CORO2B: variants seen among roughly 807,000 people sequenced by gnomAD.
CORO2B encodes coronin-2B.
A neutral mutation model predicts 58.8 loss-of-function variants in CORO2B; 26 were observed. That is an observed-to-expected ratio of 0.44 (90% CI 0.32 to 0.61). CORO2B has a LOEUF of 0.61. Ranked by LOEUF, CORO2B falls within the 20% of genes least tolerant of loss-of-function variation. The probability of loss-of-function intolerance (pLI) is 0.04; values close to 1 mark genes in which losing one functional copy is unlikely to be tolerated. For synonymous variants in CORO2B, 242 were observed against 253.8 expected (o/e 0.95, Z 0.44); for missense variants, 460 against 645.1 (o/e 0.71, Z 3.11).
intron 3 of CORO2B, among the ~76,000 whole-genome samples, chr15:68,697,452 C>T (rs1389297854): frequency 6.6e-6 from 1 of 152,148 alleles, no homozygotes; most frequent in Non-Finnish European, 1.5e-5. Context: ...CAGTAAATAG[C>T]CTCCATCAGT....
At chr15:68,638,612 G>A (rs186668712) in intron 1 of CORO2B, among the ~76,000 whole-genome samples, 1 of 152,324 alleles carries the variant, frequency 6.6e-6, no homozygotes, top group African/African-American at 2.4e-5. Flanking sequence ...AAGAGTTGAG[G>A]TGGAGAGGCT....
At chr15:68,715,118 C>A in intron 7 of CORO2B, 97 bp from the exon 8 acceptor site, 2 of 1,086,214 alleles carry the variant, frequency 1.8e-6, no homozygotes, top group Non-Finnish European at 2.8e-6. Flanking sequence ...GCCCATGAGG[C>A]ACAGGGGAGA....
chr15:68,543,551 G>C, the CORO2B span, among the ~76,000 whole-genome samples: 4 of 151,962 alleles, frequency 2.6e-5, no homozygotes, highest in African/African-American at 9.7e-5. Flanking sequence ...CCCACCCCAG[G>C]GTCTTGTGAG....
rs574023568 is a variant in CORO2B at position 68,645,283 on chromosome 15, G to T, written c.139G>T (p.Ala47Ser). The change falls in exon 2 of 12, where the codon GCC (alanine) becomes TCC (serine). Residue 47 changes from alanine to serine, a missense_variant. By Grantham distance (99) the Ala-to-Ser change is moderately conservative. This residue lies in a region of CORO2B where 352 missense variants were observed against 543.0 expected (regional missense o/e 0.65). Transcript: ENST00000261861. This position sits in a 1 kb window ranked among gnomAD's most constrained non-coding sequence, Gnocchi z 4.5. ...TKNVHDNHFC[A>S]VNTRFLAIVT... is the part of the protein sequence containing the mutation. ...GAATGTGCACGACAACCACTTCTGT[G>T]CCGTCAACACCCGCTTCCTGGCCAT... The T allele has an allele frequency of 6.2e-7, 1 of 1,614,132 alleles. No individual in the cohort carries two copies. Among genetic ancestry groups the T allele is most frequent in the South Asian group, 1.1e-5 (1 of 91,078 alleles).
At chr15:68,684,303 C>A (rs900901468) in intron 2 of CORO2B, among the ~76,000 whole-genome samples, 2 of 152,214 alleles carry the variant, frequency 1.3e-5, no homozygotes, top group African/African-American at 4.8e-5. Context: ...GAGAAATGGA[C>A]TAACCCAATG....
At chr15:68,652,661 G>C (rs759456202) in intron 2 of CORO2B, among the ~76,000 whole-genome samples, 7 of 152,200 alleles carry the variant, frequency 4.6e-5, no homozygotes, top group African/African-American at 1.7e-4. Context: ...ACAGTAGTGT[G>C]GCCTGAGGAG....
At chr15:68,725,456 AT>A (rs1310446831) in intron 11 of CORO2B, among the ~76,000 whole-genome samples, 9 of 152,016 alleles carry the variant, frequency 5.9e-5, no homozygotes, top group Non-Finnish European at 1.2e-4. Flanking sequence ...ATTATTATAC[AT>A]CTATTATTAT....
chr15:68,601,970 G>A (rs146520150), intron 1 of CORO2B, among the ~76,000 whole-genome samples: 33 of 152,100 alleles, frequency 2.2e-4, no homozygotes, highest in African/African-American at 6.5e-4. Flanking sequence ...CCAGCATGGC[G>A]GAAGGCAGAA....
chr15:68,718,851 T>G, intron 9 of CORO2B, 41 bp downstream of exon 9: 1 of 1,520,026 alleles, frequency 6.6e-7, no homozygotes, highest in South Asian at 1.1e-5. Flanking sequence ...GGGGCCTGCA[T>G]CGCCTCTTAG....
At chr15:68,571,480 A>G in the CORO2B span, among the ~76,000 whole-genome samples, 1 of 152,228 alleles carries the variant, frequency 6.6e-6, no homozygotes, top group African/African-American at 2.4e-5. Context: ...CTGGACCTGA[A>G]CAAGAAAAGA....
At chr15:68,604,971 A>G (rs4335728) in intron 1 of CORO2B, among the ~76,000 whole-genome samples, 2,191 of 152,192 alleles carry the variant, frequency 0.014, 74 homozygotes, top group African/African-American at 0.05. Flanking sequence ...AAAATTAGCC[A>G]GGCATGGTGG....
Position 68,718,794 on chromosome 15 carries a change from T to C in CORO2B, c.1064T>C (p.Met355Thr). The stretch of plus-strand genomic sequence containing the variant: ...AAGGGCCTGATCGAGCCCATCTCCA[T>C]GATCGTGCCCCGGAGGGTAAGTGGG... Reference protein sequence around the residue: ...TLKGLIEPISMIVPRRSDSYQ... With the variant: ...TLKGLIEPISTIVPRRSDSYQ... Residue 355 changes from methionine to threonine, a missense_variant, in exon 9 of 12, where the codon ATG becomes ACG. This residue lies in a region of CORO2B where 352 missense variants were observed against 543.0 expected (regional missense o/e 0.65). Coordinates refer to ENST00000261861, the MANE Select transcript of CORO2B (RefSeq NM_006091.5). 1 of 1,614,052 alleles carries C rather than the reference T, an allele frequency of 6.2e-7. No homozygotes were observed. Among genetic ancestry groups the C allele is most frequent in the Non-Finnish European group, 8.5e-7 (1 of 1,179,924 alleles).
At chr15:68,714,212 A>G (rs984937983) in intron 6 of CORO2B, among the ~76,000 whole-genome samples, 171 bp downstream of exon 6, 16 of 152,162 alleles carry the variant, frequency 1.1e-4, no homozygotes, top group Non-Finnish European at 2.1e-4. Context: ...CAGAGGCTTC[A>G]AGGAACAATG....
chr15:68,667,353 T>G (rs1190138517), intron 2 of CORO2B, among the ~76,000 whole-genome samples: 5 of 152,236 alleles, frequency 3.3e-5, no homozygotes, highest in Non-Finnish European at 5.9e-5. Flanking sequence ...CTCCGCTTCC[T>G]GCCATGTCCT....
At chr15:68,703,398 G>C (rs1442633119) in intron 3 of CORO2B, among the ~76,000 whole-genome samples, 1 of 149,950 alleles carries the variant, frequency 6.7e-6, no homozygotes, top group Non-Finnish European at 1.5e-5. Context: ...TGAACTGCCC[G>C]CCTGGGCCTC....
At position 68,719,250 on chromosome 15, in the gene CORO2B, G is replaced by A. The variant is rs376283564; in HGVS notation, c.1171+16G>A. 3.1e-6 allele frequency: 5 copies of A among 1,611,276 alleles called. No homozygotes were observed. Among genetic ancestry groups the A allele is most frequent in the East Asian group, 2.2e-5 (1 of 44,890 alleles). ...ATCAACCGAGGTACCACAGCGGGGGGCTCCACAGAGCACAGGCGGCTGCAG... is the reference window on the plus strand; with the variant it reads ...ATCAACCGAGGTACCACAGCGGGGGACTCCACAGAGCACAGGCGGCTGCAG... On this transcript the variant is annotated intron_variant, in intron 10 of 11. Coordinates refer to ENST00000261861, the MANE Select transcript of CORO2B (RefSeq NM_006091.5).
chr15:68,549,050 C>G, the CORO2B span, among the ~76,000 whole-genome samples: 2 of 147,464 alleles, frequency 1.4e-5, no homozygotes, highest in African/African-American at 4.9e-5. Context: ...AAAGATACTC[C>G]TCTTCTTCCT....
intron 2 of CORO2B, among the ~76,000 whole-genome samples, chr15:68,677,099 G>T (rs1254487254): frequency 6.6e-6 from 1 of 152,196 alleles, no homozygotes; most frequent in African/African-American, 2.4e-5. Flanking sequence ...CAGCACTTTC[G>T]GGACTGTGCT....
chr15:68,568,878 C>CT, the CORO2B span, among the ~76,000 whole-genome samples: 1 of 152,000 alleles, frequency 6.6e-6, no homozygotes, highest in East Asian at 1.9e-4. Context: ...GCATACGGGG[C>CT]TTAATACTTA....
Sources: allele counts gnomAD v4.1 joint callset (sites outside exome capture counted in the v4.1 genomes callset), GRCh38; gene constraint gnomAD v4.1.1; regional missense constraint gnomAD v4.1.1; non-coding constraint Gnocchi (gnomAD v3.1); transcripts MANE v1.5; gene names NCBI Gene and HGNC (gene_info 2026-07-23, HGNC 2026-07-21).